URB2: variants seen among roughly 807,000 people sequenced by gnomAD.
URB2 encodes URB2 ribosome biogenesis homolog.
In URB2, 86 loss-of-function variants were observed where a neutral mutation model predicts 120.9. The ratio of observed to expected loss-of-function variants is 0.71; its 90% CI spans 0.60 to 0.85. The LOEUF (loss-of-function observed/expected upper bound fraction) is 0.85, where lower values mean the gene tolerates loss of function less well. Ranked by LOEUF, URB2 falls within the 40% of genes least tolerant of loss-of-function variation. The probability of loss-of-function intolerance (pLI) is 0.00; values close to 1 mark genes in which losing one functional copy is unlikely to be tolerated. For missense variants in URB2, 1,765 were observed against 1,836.5 expected (o/e 0.96, Z 0.71); for synonymous variants, 755 against 758.4 (o/e 1.00, Z 0.07).
chr1:229,626,621 AGTGCTGGCAGGGCT>A (rs1278314203), intron 1 of URB2, among the ~76,000 whole-genome samples: 1 of 152,098 alleles, frequency 6.6e-6, no homozygotes, highest in Admixed American at 6.5e-5. Context: ...CTGGGCAGGG[AGTGCTGGCAGGGCT>A]GTGCTGTCCG....
In URB2 at chr1:229,654,332, G is replaced by A. The variant is rs1249955961; in HGVS notation, c.4321G>A (p.Glu1441Lys). ...CAGCCACATCGCCGCACGAGCTGAG[G>A]AGTTTGCTGTGTTTTCCCCATTTAT... Reference protein sequence around the residue: ...MYSHIAARAEEFAVFSPFMVA... With the variant: ...MYSHIAARAEKFAVFSPFMVA... Residue 1441 changes from glutamate (E) to lysine (K), a missense_variant, in exon 9 of 10, where the codon GAG becomes AAG. Glu to Lys is a moderately conservative substitution (Grantham distance 56, BLOSUM62 1). Coordinates refer to ENST00000258243, the MANE Select transcript of URB2 (RefSeq NM_014777.4). 2 of 1,614,172 alleles carry A rather than the reference G, an allele frequency of 1.2e-6. No homozygotes were observed. The highest frequency in any genetic ancestry group is 1.1e-5 in the South Asian group (1 of 91,080).
In URB2 at chr1:229,637,544, A is replaced by G; in HGVS notation, c.2931A>G (p.Ser977=). 6.2e-7 allele frequency: 1 copy of G among 1,614,210 alleles called. No homozygotes were observed. Among genetic ancestry groups the G allele is most frequent in the Non-Finnish European group, 8.5e-7 (1 of 1,180,038 alleles). Residue 977 remains serine, a synonymous_variant, in exon 4 of 10, where the codon TCA becomes TCG. Coordinates refer to ENST00000258243, the MANE Select transcript of URB2 (RefSeq NM_014777.4). ...ATATTTTTGAGGTTGTACTGACCTC[A>G]TTGTTCAGAGCTAGTAGTAGGTTCC... ...GSDIFEVVLT[S]LFRASSRFLI...
Position 229,645,916 on chromosome 1 carries a change from G to C in URB2, c.3853G>C (p.Glu1285Gln). 6.2e-7 allele frequency: 1 copy of C among 1,614,218 alleles called. No individual in the cohort carries two copies. Among genetic ancestry groups the C allele is most frequent in the Non-Finnish European group, 8.5e-7 (1 of 1,180,030 alleles). ...GCTACTGAACTGCCCACTCAGTGGAGAGAAAGCAAGTCTGTTGTGGCGTGC... is the reference window on the plus strand; with the variant it reads ...GCTACTGAACTGCCCACTCAGTGGACAGAAAGCAAGTCTGTTGTGGCGTGC... The part of the protein sequence containing the change: ...RLLLNCPLSG[E>Q]KASLLWRACP... Residue 1285 changes from glutamate to glutamine, a missense_variant, in exon 6 of 10, where the codon GAG (glutamate) becomes CAG (glutamine). Coordinates refer to ENST00000258243, the MANE Select transcript of URB2 (RefSeq NM_014777.4).
chr1:229,638,370 G>A (rs1242295111), intron 4 of URB2, 123 bp downstream of exon 4: 2 of 1,180,546 alleles, frequency 1.7e-6, no homozygotes, highest in Non-Finnish European at 2.3e-6. Flanking sequence ...GTGCGGCTGG[G>A]TGCGGTGGCT....
At chr1:229,644,370 G>T (rs776128424) in intron 5 of URB2, among the ~76,000 whole-genome samples, 7 of 152,240 alleles carry the variant, frequency 4.6e-5, no homozygotes, top group Non-Finnish European at 8.8e-5. Flanking sequence ...CACTGGTATT[G>T]GGTACTGATT....
intron 8 of URB2, among the ~76,000 whole-genome samples, chr1:229,651,763 GTGTT>G (rs1249966308): frequency 1.3e-5 from 2 of 152,322 alleles, no homozygotes; most frequent in East Asian, 3.9e-4. Flanking sequence ...TGGCAAGGGT[GTGTT>G]TGTTTACTAG....
chr1:229,642,842 A>C (rs1035045017), intron 4 of URB2, among the ~76,000 whole-genome samples: 1 of 152,208 alleles, frequency 6.6e-6, no homozygotes, highest in African/African-American at 2.4e-5. Flanking sequence ...AATTCCGTGT[A>C]TATCCTTCTG....
intron 9 of URB2, among the ~76,000 whole-genome samples, chr1:229,655,161 T>G (rs1666377788): frequency 2.0e-5 from 3 of 152,202 alleles, no homozygotes. Context: ...AATAGACAGA[T>G]TAAGAAAAAA....
intron 2 of URB2, among the ~76,000 whole-genome samples, chr1:229,631,368 G>T (rs1665663157): frequency 6.6e-6 from 1 of 152,182 alleles, no homozygotes; most frequent in African/African-American, 2.4e-5. Context: ...ATCATTTGTT[G>T]TTCACTGGAG....
rs759496922 is a variant in URB2, at chr1:229,636,915, A to T, written c.2302A>T (p.Arg768Ter). Residue 768 changes from arginine to a stop codon, truncating the protein, a stop_gained, in exon 4 of 10, where the codon AGA becomes TGA. Transcript: ENST00000258243. LOFTEE classifies it high-confidence loss of function. ...GGGATACCTGGCCAGTGTCCTGCTGAGAACTTTACCCATGGGCAAAGCCCA... is the reference window on the plus strand; with the variant it reads ...GGGATACCTGGCCAGTGTCCTGCTGTGAACTTTACCCATGGGCAAAGCCCA... ...DVGYLASVLLRTLPMGKAQEV... is the reference protein window; with the variant it reads ...DVGYLASVLL 2 of 1,612,830 alleles carry T rather than the reference A, an allele frequency of 1.2e-6. No individual in the cohort carries two copies. Among genetic ancestry groups the T allele is most frequent in the Non-Finnish European group, 1.7e-6 (2 of 1,179,280 alleles).
rs116168345 is a variant in URB2 at position 229,647,204 on chromosome 1, C to T, written c.3907-306C>T. 6.3e-3 allele frequency among the ~76,000 whole-genome samples: 960 copies of T among 152,284 alleles called. 10 individuals carry two copies. Among genetic ancestry groups the T allele is most frequent in the African/African-American group, 0.022 (906 of 41,570 alleles). On this transcript the variant is annotated intron_variant, in intron 6 of 9. Coordinates refer to ENST00000258243, the MANE Select transcript of URB2 (RefSeq NM_014777.4). Reference sequence around the variant, plus strand: ...TTGTGAGAGACAGGACCCAAAAGGCCTCACCAGGGCTGCTGTGTATCTGAG... The same window carrying T: ...TTGTGAGAGACAGGACCCAAAAGGCTTCACCAGGGCTGCTGTGTATCTGAG...
intron 9 of URB2, among the ~76,000 whole-genome samples, chr1:229,656,950 T>G (rs1196600893): frequency 1.3e-5 from 2 of 152,252 alleles, no homozygotes; most frequent in African/African-American, 4.8e-5. Flanking sequence ...TGAAATGCAT[T>G]CAGTACTTGA....
intron 9 of URB2, among the ~76,000 whole-genome samples, chr1:229,655,811 T>C (rs573963747): frequency 1.3e-5 from 2 of 152,222 alleles, no homozygotes; most frequent in Non-Finnish European, 2.9e-5. Flanking sequence ...AAATCACAAG[T>C]AAGCTTGTTA....
chr1:229,658,717 A>G (rs956943764), intron 9 of URB2, among the ~76,000 whole-genome samples: 6 of 152,246 alleles, frequency 3.9e-5, no homozygotes, highest in Middle Eastern at 3.4e-3. Context: ...GTGTAGAAGA[A>G]TTTGACACAA....
At chr1:229,627,789 C>G (rs752187178) in intron 2 of URB2, 30 bp downstream of exon 2, 1 of 1,591,128 alleles carries the variant, frequency 6.3e-7, no homozygotes, top group Non-Finnish European at 8.6e-7. Context: ...CATATTTTTA[C>G]AGTCTGTCAA....
In URB2 at chr1:229,636,051, C is replaced by T. The variant is rs150462724; in HGVS notation, c.1438C>T (p.Pro480Ser). ...FEEVLGVICR[P>S]AAEALRQPVL... ...AGAGGTTTTGGGGGTGATCTGTCGT[C>T]CAGCTGCTGAGGCACTGAGGCAGCC... Residue 480 changes from proline to serine, a missense_variant, in exon 4 of 10, where the codon CCA becomes TCA. By Grantham distance (74) the Pro-to-Ser change is moderately conservative. Coordinates refer to ENST00000258243, the MANE Select transcript of URB2 (RefSeq NM_014777.4). 6.8e-6 allele frequency: 11 copies of T among 1,614,044 alleles called. No homozygotes were observed. Among genetic ancestry groups the T allele is most frequent in the Non-Finnish European group, 9.3e-6 (11 of 1,180,008 alleles).
At chr1:229,632,187 T>C in intron 2 of URB2, 82 bp from the exon 3 acceptor site, 1 of 1,316,384 alleles carries the variant, frequency 7.6e-7, no homozygotes, top group Non-Finnish European at 9.9e-7. Flanking sequence ...GATTTGCTTA[T>C]ACCTGTAATG....
chr1:229,651,592 T>C (rs1558171951), intron 8 of URB2, among the ~76,000 whole-genome samples: 1 of 152,208 alleles, frequency 6.6e-6, no homozygotes, highest in African/African-American at 2.4e-5. Context: ...TTACTGAGCA[T>C]GTATATCATG....
intron 4 of URB2, among the ~76,000 whole-genome samples, chr1:229,639,564 C>T (rs1665950651): frequency 6.6e-6 from 1 of 152,106 alleles, no homozygotes; most frequent in Non-Finnish European, 1.5e-5. Context: ...TCTCGATATC[C>T]TGACCTCATT....
Sources: gnomAD v4.1 joint callset for allele counts (sites outside exome capture counted in the v4.1 genomes callset) on GRCh38, gnomAD v4.1.1 for gene constraint, MANE v1.5 for transcripts, NCBI Gene and HGNC (gene_info 2026-07-23, HGNC 2026-07-21) for gene names.